IQSEC1: variants seen among roughly 807,000 people sequenced by gnomAD.
IQSEC1 encodes IQ motif and Sec7 domain ArfGEF 1.
A neutral mutation model predicts 91.0 loss-of-function variants in IQSEC1; 31 were observed. The ratio of observed to expected loss-of-function variants is 0.34; its 90% CI spans 0.26 to 0.46. The LOEUF is 0.46. Among genes scored for constraint, IQSEC1 ranks in the 20% least tolerant of loss-of-function variants. The pLI, the probability that IQSEC1 is intolerant of heterozygous loss-of-function variation, is 1.00. For missense variants in IQSEC1, 1,388 were observed against 1,575.6 expected (o/e 0.88, Z 2.02); for synonymous variants, 699 against 662.6 (o/e 1.05, Z -0.84).
chr3:13,277,041 C>T (rs772153824), intron 1 of IQSEC1, among the ~76,000 whole-genome samples: 5 of 137,542 alleles, frequency 3.6e-5, no homozygotes, highest in Admixed American at 2.5e-4. Context: ...GGCAATTATA[C>T]GGCTGACACC....
At chr3:13,231,788 G>A (rs550952627) in intron 1 of IQSEC1, among the ~76,000 whole-genome samples, 3 of 152,312 alleles carry the variant, frequency 2.0e-5, no homozygotes, top group East Asian at 1.9e-4. Context: ...AGAGCACAAC[G>A]GGTCTCTAAA....
chr3:13,236,109 T>A (rs1472343851), intron 1 of IQSEC1, among the ~76,000 whole-genome samples: 4 of 152,014 alleles, frequency 2.6e-5, no homozygotes, highest in Non-Finnish European at 5.9e-5. Flanking sequence ...CAACCTTTAC[T>A]CATCTCTGTT....
chr3:13,000,451 A>C (rs1287343974), intron 1 of IQSEC1, among the ~76,000 whole-genome samples: 1 of 152,154 alleles, frequency 6.6e-6, no homozygotes, highest in Admixed American at 6.5e-5. Context: ...CCAGGTACAG[A>C]GCAGAAATTC....
Position 13,135,869 on chromosome 3 carries a change from G to A in IQSEC1, c.302+28235C>T, listed in dbSNP as rs567136974. ...CTCTGCTGCCAGCCCCAGGAGCCAG[G>A]TCTCCACTCATCCTCCTGTGCGCAG... is the stretch of plus-strand genomic sequence containing the variant. On this transcript the variant is annotated intron_variant, in intron 2 of 15. Coordinates refer to the IQSEC1 transcript ENST00000648114. 2.6e-5 allele frequency among the ~76,000 whole-genome samples: 4 copies of A among 152,328 alleles called. No homozygotes were observed. In the South Asian group the frequency reaches 8.3e-4, roughly 32 times the overall value.
At chr3:12,985,752 C>G (rs1272796867) in intron 1 of IQSEC1, among the ~76,000 whole-genome samples, 2 of 152,154 alleles carry the variant, frequency 1.3e-5, no homozygotes, top group African/African-American at 4.8e-5. Context: ...TGACCAGATA[C>G]CTGAAAAATA....
chr3:13,202,884 A>C (rs4684917), intron 1 of IQSEC1, among the ~76,000 whole-genome samples: 104,941 of 152,066 alleles, frequency 0.69, 37,756 homozygotes, highest in African/African-American at 0.89. Context: ...TTTACGCGTG[A>C]TCAGTGTGCC....
At chr3:13,116,382 G>A (rs1250815145) in intron 2 of IQSEC1, among the ~76,000 whole-genome samples, 1 of 152,208 alleles carries the variant, frequency 6.6e-6, no homozygotes, top group East Asian at 1.9e-4. Flanking sequence ...ATGAATGGGT[G>A]TGGCTGTGTT....
At chr3:13,106,761 T>G (rs921476272) in intron 2 of IQSEC1, among the ~76,000 whole-genome samples, 1 of 152,220 alleles carries the variant, frequency 6.6e-6, no homozygotes, top group African/African-American at 2.4e-5. Context: ...CAAAACATGC[T>G]TATAAAGTGA....
rs371381416 is a variant in IQSEC1, at chr3:13,024,084, A to G, written c.23+48908T>C. ...CTGGCCTCGGTTCCTTGTGCCACAC[A>G]GACTAAGGCCTCCATTCAAATGTTT... On this transcript the variant is annotated intron_variant, in intron 1 of 13. Coordinates refer to ENST00000613206, the MANE Select transcript of IQSEC1 (RefSeq NM_001134382.3). Among the ~76,000 whole-genome samples the G allele has an allele frequency of 3.4e-4, 52 of 152,330 alleles. 2 individuals are homozygous for G. The South Asian group carries it at 6.8e-3, about 20-fold the overall frequency.
chr3:13,113,622 G>A (rs547639481), intron 2 of IQSEC1, among the ~76,000 whole-genome samples: 2 of 152,336 alleles, frequency 1.3e-5, no homozygotes, highest in South Asian at 4.1e-4. Context: ...GGGAGGGGAG[G>A]AGAAGTGCAT....
chr3:12,899,789 CACTCTCTG>C lies in IQSEC1; in HGVS notation c.*1186_*1193del. ...GTTCGAGAGTGGTTCCTGATGAAAA[CACTCTCTG>C]AGGGCTTCGGCCTGGTGTGGGTTGG... On this transcript the variant is annotated 3_prime_UTR_variant, in exon 14 of 14. Transcript: ENST00000613206. 1 of 985,224 alleles carries C rather than the reference CACTCTCTG, an allele frequency of 1.0e-6. No individual in the cohort carries two copies. The highest frequency in any genetic ancestry group is 1.2e-6 in the Non-Finnish European group (1 of 829,796). The allele number at this position is 985,224 out of a possible 1,614,324, so 61.0% of individuals were successfully genotyped here.
chr3:13,196,791 G>GC (rs1694137654), intron 1 of IQSEC1, among the ~76,000 whole-genome samples: 2 of 144,986 alleles, frequency 1.4e-5, no homozygotes, highest in East Asian at 4.1e-4. Context: ...TGTGTGTGTG[G>GC]TGGGGAGCAG....
intron 1 of IQSEC1, among the ~76,000 whole-genome samples, chr3:12,957,781 C>G (rs925741019): frequency 9.1e-4 from 138 of 152,338 alleles, no homozygotes; most frequent in African/African-American, 3.2e-3. Context: ...TATGGCATTC[C>G]CATGTACCCA....
At chr3:13,109,274 A>C (rs1414740908) in intron 2 of IQSEC1, among the ~76,000 whole-genome samples, 1 of 152,092 alleles carries the variant, frequency 6.6e-6, no homozygotes, top group Non-Finnish European at 1.5e-5. Flanking sequence ...CCATTCTCCC[A>C]CCACTCTTTT....
chr3:13,114,923 G>A (rs1706310803), intron 2 of IQSEC1, among the ~76,000 whole-genome samples: 1 of 152,204 alleles, frequency 6.6e-6, no homozygotes, highest in African/African-American at 2.4e-5. Context: ...GCGGGAGCCG[G>A]TAGGGCCCAT....
chr3:12,924,117 G>A lies in IQSEC1; in HGVS notation c.1730+464C>T, dbSNP rs1696895558. On this transcript the variant is annotated intron_variant, in intron 4 of 13. Transcript: ENST00000613206. The surrounding 1 kb of genome is among the most constrained non-coding windows in gnomAD (Gnocchi z 6.3). ...ATCTGACTCCCCACCACTCTCCCCA[G>A]GGGTGAGTCAGGAGCAAACAGGGCA... is the stretch of plus-strand genomic sequence containing the variant. Among the ~76,000 whole-genome samples, 1 of 152,196 alleles carries A rather than the reference G, an allele frequency of 6.6e-6. No homozygotes were observed. The highest frequency in any genetic ancestry group is 6.5e-5 in the Admixed American group (1 of 15,282).
Position 12,967,566 on chromosome 3 carries a change from A to G in IQSEC1, c.24-25701T>C, listed in dbSNP as rs1700666766. 1 of 1,332,470 alleles carries G rather than the reference A, an allele frequency of 7.5e-7. No individual in the cohort carries two copies. The highest frequency in any genetic ancestry group is 4.1e-5 in the Admixed American group (1 of 24,220). The allele number at this position is 1,332,470 out of a possible 1,614,324, so 82.5% of individuals were successfully genotyped here. On this transcript the variant is annotated intron_variant, in intron 1 of 13. Coordinates refer to ENST00000613206, the MANE Select transcript of IQSEC1 (RefSeq NM_001134382.3). This position sits in a 1 kb window ranked among gnomAD's most constrained non-coding sequence, Gnocchi z 5.9. The stretch of plus-strand genomic sequence containing the variant: ...GGGGCCGACACCCGGCCACCCGGAG[A>G]CCCGACCACCCGCCACGCGATCACG...
At chr3:13,081,733 C>T (rs891152954) in intron 2 of IQSEC1, among the ~76,000 whole-genome samples, 3 of 152,208 alleles carry the variant, frequency 2.0e-5, no homozygotes, top group Non-Finnish European at 4.4e-5. Flanking sequence ...GACCAGTGCA[C>T]GGGGTGGAGT....
At chr3:12,955,682 G>A (rs150864275) in intron 1 of IQSEC1, among the ~76,000 whole-genome samples, 1,858 of 152,360 alleles carry the variant, frequency 0.012, 19 homozygotes, top group Non-Finnish European at 0.018. Flanking sequence ...AGGACAGGCA[G>A]CCTTTAAAGA....
Sources: allele counts gnomAD v4.1 joint callset (sites outside exome capture counted in the v4.1 genomes callset), GRCh38; gene constraint gnomAD v4.1.1; non-coding constraint Gnocchi (gnomAD v3.1); transcripts MANE v1.5; gene names NCBI Gene and HGNC (gene_info 2026-07-23, HGNC 2026-07-21).